CLIP4: variants seen among roughly 807,000 people sequenced by gnomAD.
The protein encoded by CLIP4 is CAP-Gly domain containing linker protein family member 4.
A neutral mutation model predicts 73.1 loss-of-function variants in CLIP4; 47 were observed. The observed-to-expected ratio is 0.64, with a 90% CI of 0.51 to 0.82. The LOEUF (loss-of-function observed/expected upper bound fraction) is 0.82. Among genes scored for constraint, CLIP4 ranks in the 40% least tolerant of loss-of-function variants. The pLI is 0.00. For missense variants in CLIP4, 874 were observed against 852.9 expected, an observed-to-expected ratio of 1.02 and a Z score of -0.31; for synonymous variants, 306 against 295.4, an observed-to-expected ratio of 1.04 and a Z score of -0.37.
intron 1 of CLIP4, among the ~76,000 whole-genome samples, chr2:29,098,634 T>C (rs1236989126): frequency 1.2e-4 from 19 of 152,236 alleles, no homozygotes. Flanking sequence ...CTTGGTTGTT[T>C]CCAGTTTTGT....
At chr2:29,118,651 T>A (rs909664031) in intron 1 of CLIP4, among the ~76,000 whole-genome samples, 10 of 151,924 alleles carry the variant, frequency 6.6e-5, no homozygotes, top group African/African-American at 2.4e-4. Flanking sequence ...CCTGAGTAGC[T>A]GGGATTACAG....
intron 6 of CLIP4, among the ~76,000 whole-genome samples, chr2:29,137,134 A>G (rs1393718910): frequency 1.3e-5 from 2 of 151,972 alleles, no homozygotes; most frequent in South Asian, 2.1e-4. Flanking sequence ...GCCGTCACCC[A>G]AACAGTGAAC....
At chr2:29,108,376 G>A (rs1186958270) in intron 1 of CLIP4, among the ~76,000 whole-genome samples, 4 of 152,318 alleles carry the variant, frequency 2.6e-5, no homozygotes, top group Non-Finnish European at 4.4e-5. Context: ...AATGGATAAG[G>A]AGCATGTACA....
At chr2:29,131,139 ATTT>A in intron 2 of CLIP4, 116 bp from the exon 3 acceptor site, 1 of 966,102 alleles carries the variant, frequency 1.0e-6, no homozygotes, top group South Asian at 1.9e-5. Flanking sequence ...GATACTTCTG[ATTT>A]TTTTTTAGCA....
chr2:29,164,897 A>G (rs1264948365), intron 13 of CLIP4, among the ~76,000 whole-genome samples: 1 of 152,244 alleles, frequency 6.6e-6, no homozygotes, highest in African/African-American at 2.4e-5. Context: ...AGAATTTAAC[A>G]TACAATACTT....
chr2:29,149,477 A>G (rs1311608726), intron 8 of CLIP4, among the ~76,000 whole-genome samples: 1 of 145,996 alleles, frequency 6.8e-6, no homozygotes, highest in Non-Finnish European at 1.5e-5. Context: ...TGGGGGTTGG[A>G]GAAGAAGAAT....
At chr2:29,110,198 C>A (rs1190542345) in intron 1 of CLIP4, among the ~76,000 whole-genome samples, 2 of 152,132 alleles carry the variant, frequency 1.3e-5, no homozygotes, top group Non-Finnish European at 2.9e-5. Context: ...GAATGAGAAG[C>A]CCCATTCAGA....
chr2:29,162,284 A>G (rs2148059008), intron 12 of CLIP4, among the ~76,000 whole-genome samples: 1 of 152,320 alleles, frequency 6.6e-6, no homozygotes, highest in African/African-American at 2.4e-5. Flanking sequence ...TTTGTTAAAA[A>G]CATTCTGTCC....
At chr2:29,118,739 C>G (rs528734642) in intron 1 of CLIP4, among the ~76,000 whole-genome samples, 3 of 151,900 alleles carry the variant, frequency 2.0e-5, no homozygotes, top group Non-Finnish European at 4.4e-5. Flanking sequence ...AGGCTGGTCT[C>G]GAATGCCTGA....
At chr2:29,123,422 A>C (rs1227708684) in intron 2 of CLIP4, among the ~76,000 whole-genome samples, 1 of 152,196 alleles carries the variant, frequency 6.6e-6, no homozygotes, top group Admixed American at 6.5e-5. Context: ...TAAACAAACA[A>C]ATGAATAGAC....
At chr2:29,108,146 A>G (rs1470564818) in intron 1 of CLIP4, among the ~76,000 whole-genome samples, 1 of 152,206 alleles carries the variant, frequency 6.6e-6, no homozygotes, top group African/African-American at 2.4e-5. Context: ...TATATGTACT[A>G]TGTATTTTCC....
intron 7 of CLIP4, among the ~76,000 whole-genome samples, 158 bp from the exon 8 acceptor site, chr2:29,145,074 C>G (rs1327197435): frequency 6.6e-6 from 1 of 151,496 alleles, no homozygotes; most frequent in Non-Finnish European, 1.5e-5. Context: ...AGGAACATTA[C>G]CAAGCATAAA....
chr2:29,141,717 A>G (rs538665601), intron 6 of CLIP4, among the ~76,000 whole-genome samples: 1 of 151,932 alleles, frequency 6.6e-6, no homozygotes, highest in Non-Finnish European at 1.5e-5. Flanking sequence ...CCTGTGCAAT[A>G]GGTATCTTGA....
chr2:29,163,603 C>G (rs1667424025), intron 12 of CLIP4, among the ~76,000 whole-genome samples: 1 of 152,180 alleles, frequency 6.6e-6, no homozygotes. Flanking sequence ...TATTTTCCTC[C>G]TTTAATGTAC....
intron 10 of CLIP4, among the ~76,000 whole-genome samples, chr2:29,156,678 C>T (rs1475666064): frequency 1.3e-5 from 2 of 152,078 alleles, no homozygotes; most frequent in Admixed American, 1.3e-4. Flanking sequence ...AACTACTGGA[C>T]TAGATTTAAG....
At chr2:29,163,518 C>T (rs1245267646) in intron 12 of CLIP4, among the ~76,000 whole-genome samples, 1 of 152,078 alleles carries the variant, frequency 6.6e-6, no homozygotes, top group Non-Finnish European at 1.5e-5. Flanking sequence ...TTTTTCACTG[C>T]AGCTTTTAGA....
At chr2:29,166,133 C>T (rs1667600028) in intron 13 of CLIP4, among the ~76,000 whole-genome samples, 1 of 152,102 alleles carries the variant, frequency 6.6e-6, no homozygotes, top group South Asian at 2.1e-4. Context: ...ATAAAACAGA[C>T]ATGGTCCCTG....
chr2:29,101,008 C>T (rs902301781), intron 1 of CLIP4, among the ~76,000 whole-genome samples: 11 of 152,124 alleles, frequency 7.2e-5, no homozygotes, highest in South Asian at 2.1e-4. Context: ...GTAGGGAAGC[C>T]GCCCAAGTGC....
chr2:29,143,655 C>A, intron 6 of CLIP4, 54 bp from the exon 7 acceptor site: 1 of 1,177,824 alleles, frequency 8.5e-7, no homozygotes, highest in Non-Finnish European at 1.3e-6. Flanking sequence ...TTTTATATGA[C>A]TTTCTAGTGC....
Sources: allele counts gnomAD v4.1 joint callset (sites outside exome capture counted in the v4.1 genomes callset), GRCh38; gene constraint gnomAD v4.1.1; transcripts MANE v1.5; gene names NCBI Gene and HGNC (gene_info 2026-07-23, HGNC 2026-07-21).